The following PHEX variants were observed in gnomAD, a reference collection of about 807,000 sequenced individuals.
PHEX encodes the protein phosphate regulating endopeptidase X-linked.
In PHEX, 16 loss-of-function variants were observed where a neutral mutation model predicts 68.0. The ratio of observed to expected loss-of-function variants is 0.24; its 90% CI spans 0.16 to 0.36. PHEX has a LOEUF of 0.36. Ranked by LOEUF, PHEX falls within the 10% of genes least tolerant of loss-of-function variation. The pLI, the probability that PHEX is intolerant of heterozygous loss-of-function variation, is 1.00. For missense variants in PHEX, 480 were observed against 575.5 expected, an observed-to-expected ratio of 0.83 and a Z score of 1.70; for synonymous variants, 208 against 205.1, an observed-to-expected ratio of 1.01 and a Z score of -0.12.
Position 22,055,903 on chromosome X carries a change from C to G in PHEX, c.349+8692C>G, listed in dbSNP as rs188270783. On this transcript the variant is annotated intron_variant, in intron 3 of 21. Coordinates refer to ENST00000379374, the MANE Select transcript of PHEX (RefSeq NM_000444.6). ...TGCTTTTCCACCCTCAGTGCATGTC[C>G]TTGTCTTACTTTTTGACTCTTGTCT... 2.0e-4 allele frequency among the ~76,000 whole-genome samples: 22 copies of G among 111,665 alleles called. No homozygotes were observed. The East Asian group carries it at 4.8e-3, about 24-fold the overall frequency.
At chrX:22,056,357 C>T (rs185348211) in intron 3 of PHEX, among the ~76,000 whole-genome samples, 21 of 110,785 alleles carry the variant, frequency 1.9e-4, no homozygotes, top group Non-Finnish European at 3.6e-4. Flanking sequence ...TTTTCTTTCT[C>T]TCTCTACTCT....
chrX:22,053,417 T>C (rs1927928330), intron 3 of PHEX, among the ~76,000 whole-genome samples: 1 of 111,841 alleles, frequency 8.9e-6, no homozygotes, highest in African/African-American at 3.2e-5. Flanking sequence ...CAACCTGGCT[T>C]TGTGAATTTT....
At chrX:22,115,511 A>G (rs776356101) in intron 11 of PHEX, among the ~76,000 whole-genome samples, 2 of 111,932 alleles carry the variant, frequency 1.8e-5, no homozygotes, top group Non-Finnish European at 3.8e-5. Context: ...ATTAGTAACT[A>G]TAGTCACCAT....
intron 12 of PHEX, among the ~76,000 whole-genome samples, chrX:22,149,936 A>G (rs1293597907): frequency 8.9e-6 from 1 of 111,767 alleles, no homozygotes; most frequent in Non-Finnish European, 1.9e-5. Context: ...GAAAAATGAC[A>G]GAATAGAAAA....
At chrX:22,160,739 G>C (rs982138054) in intron 12 of PHEX, among the ~76,000 whole-genome samples, 8 of 110,790 alleles carry the variant, frequency 7.2e-5, no homozygotes, top group African/African-American at 2.6e-4. Flanking sequence ...GCTACAATTT[G>C]AGATTTGGGT....
chrX:22,227,455 AAG>A, intron 19 of PHEX, 50 bp from the exon 20 acceptor site: 2 of 864,561 alleles, frequency 2.3e-6, no homozygotes, highest in Non-Finnish European at 3.5e-6. Context: ...TAGCTGAGCA[AAG>A]AGAAAAACCC....
chrX:22,241,661 T>A (rs1022633643), intron 20 of PHEX, among the ~76,000 whole-genome samples: 1 of 111,988 alleles, frequency 8.9e-6, no homozygotes, highest in Admixed American at 9.4e-5. Context: ...GCAAATAAAC[T>A]AGAAAATCTA....
chrX:22,041,789 A>G (rs777034448), intron 2 of PHEX, among the ~76,000 whole-genome samples: 2 of 110,954 alleles, frequency 1.8e-5, no homozygotes, highest in South Asian at 3.8e-4. Flanking sequence ...ACTTTTTTGT[A>G]TGGAAGGCCA....
chrX:22,240,366 G>A (rs1936140425), intron 20 of PHEX, among the ~76,000 whole-genome samples: 1 of 112,015 alleles, frequency 8.9e-6, no homozygotes, highest in South Asian at 3.7e-4. Flanking sequence ...CATAATGACA[G>A]GATCAAATTC....
intron 14 of PHEX, among the ~76,000 whole-genome samples, chrX:22,185,756 G>GTTTTTTTTTTTTTT (rs3085228): frequency 0.011 from 953 of 87,623 alleles, 80 homozygotes; most frequent in African/African-American, 0.045. Context: ...CTCGTTTGTG[G>GTTTTTTTTTTTTTT]TTTTTTTTTT....
intron 14 of PHEX, among the ~76,000 whole-genome samples, chrX:22,180,859 G>A (rs980158107): frequency 7.1e-5 from 8 of 112,006 alleles, no homozygotes; most frequent in African/African-American, 2.3e-4. Context: ...AACATGTGAA[G>A]TTTTCTTTCT....
At chrX:22,133,495 C>T (rs184012834) in intron 11 of PHEX, 28 bp from the exon 12 acceptor site, 6 of 1,127,229 alleles carry the variant, frequency 5.3e-6, no homozygotes, top group East Asian at 6.0e-5. Context: ...TTGGCTTTGA[C>T]GTTCCCTCTT....
rs150166187 is a variant in PHEX, at chrX:22,103,010, A to G, written c.1079+3859A>G. ...TACAACAATTCTATGCGTTGTTCCCACTTTACAGATGAGGAAGCTGAGGTT... is the reference window on the plus strand; with the variant it reads ...TACAACAATTCTATGCGTTGTTCCCGCTTTACAGATGAGGAAGCTGAGGTT... On this transcript the variant is annotated intron_variant, in intron 9 of 21. Transcript: ENST00000379374. 4.3e-3 allele frequency among the ~76,000 whole-genome samples: 479 copies of G among 111,895 alleles called. 2 individuals are homozygous for G. The highest frequency in any genetic ancestry group is 6.0e-3 in the Non-Finnish European group (318 of 53,161).
intron 3 of PHEX, among the ~76,000 whole-genome samples, chrX:22,054,279 C>T (rs1927972629): frequency 1.8e-5 from 2 of 110,986 alleles, no homozygotes; most frequent in African/African-American, 6.6e-5. Context: ...GGATTACAGG[C>T]GCCTGCCACC....
intron 13 of PHEX, chrX:22,171,162 T>C (rs986550470): frequency 2.7e-5 from 3 of 111,406 alleles, no homozygotes; most frequent in African/African-American, 9.8e-5. Context: ...GACTCACAGT[T>C]CCACACGGCT....
chrX:22,048,399 G>T (rs1927644241), intron 3 of PHEX, among the ~76,000 whole-genome samples: 1 of 111,195 alleles, frequency 9.0e-6, no homozygotes, highest in Non-Finnish European at 1.9e-5. Context: ...ATTCATGTTG[G>T]TCTTTGATTT....
At chrX:22,242,014 G>C (rs1318526517) in intron 20 of PHEX, among the ~76,000 whole-genome samples, 1 of 111,756 alleles carries the variant, frequency 8.9e-6, no homozygotes, top group Non-Finnish European at 1.9e-5. Context: ...TGAACATCAA[G>C]GCAAAAATCC....
At chrX:22,111,354 A>T in intron 9 of PHEX, 113 bp from the exon 10 acceptor site, 1 of 617,921 alleles carries the variant, frequency 1.6e-6, no homozygotes, top group East Asian at 3.3e-5. Context: ...GCATTTTTGT[A>T]TGAGTAAGAG....
intron 5 of PHEX, among the ~76,000 whole-genome samples, chrX:22,090,179 G>A (rs1034849270): frequency 8.9e-6 from 1 of 112,256 alleles, no homozygotes; most frequent in African/African-American, 3.2e-5. Flanking sequence ...TTGTTATTCA[G>A]TGTTGATAGG....
Sources: gnomAD v4.1 joint callset for allele counts (sites outside exome capture counted in the v4.1 genomes callset) on GRCh38, gnomAD v4.1.1 for gene constraint, MANE v1.5 for transcripts, NCBI Gene and HGNC (gene_info 2026-07-23, HGNC 2026-07-21) for gene names.